The following PHIP variants were observed in gnomAD, a reference collection of about 807,000 sequenced individuals.
The protein encoded by PHIP is PHIP subunit of CUL4-Ring ligase complex, also known as PH-interacting protein.
In PHIP, 54 loss-of-function variants were observed where a neutral mutation model predicts 236.8. The ratio of observed to expected loss-of-function variants is 0.23; its 90% CI spans 0.18 to 0.29. PHIP has a LOEUF of 0.29. Among genes scored for constraint, PHIP ranks in the 10% least tolerant of loss-of-function variants. The pLI is 1.00. For synonymous variants in PHIP, 756 were observed against 718.9 expected, an observed-to-expected ratio of 1.05 and a Z score of -0.83; for missense variants, 1,370 against 2,190.8, an observed-to-expected ratio of 0.63 and a Z score of 7.48.
chr6:78,950,202 C>T (rs1327317042), intron 35 of PHIP, among the ~76,000 whole-genome samples: 1 of 152,200 alleles, frequency 6.6e-6, no homozygotes. Flanking sequence ...TTTTTGAATA[C>T]TGAACCATCC....
chr6:78,976,369 T>G (rs1301138644), intron 24 of PHIP, among the ~76,000 whole-genome samples: 55 of 136,322 alleles, frequency 4.0e-4, no homozygotes, highest in African/African-American at 1.3e-3. Flanking sequence ...TATACAAAAA[T>G]CAATTCAAGA....
intron 6 of PHIP, among the ~76,000 whole-genome samples, chr6:79,044,644 T>C (rs1275921952): frequency 6.6e-6 from 1 of 152,144 alleles, no homozygotes; most frequent in Admixed American, 6.6e-5. Flanking sequence ...ATTACCAAGG[T>C]GTACTTTAAT....
At chr6:79,025,477 A>T in intron 9 of PHIP, 42 bp downstream of exon 9, 1 of 1,217,744 alleles carries the variant, frequency 8.2e-7, no homozygotes, top group Non-Finnish European at 1.2e-6. Flanking sequence ...TTCACTCATT[A>T]AACTAAACAC....
intron 15 of PHIP, among the ~76,000 whole-genome samples, chr6:79,011,498 A>T (rs1770573056): frequency 6.6e-6 from 1 of 151,816 alleles, no homozygotes; most frequent in African/African-American, 2.4e-5. Context: ...CAGAAAGGGT[A>T]GGGGGAGTAC....
Position 78,993,161 on chromosome 6 carries a change from T to G in PHIP, c.2202-2176A>C, listed in dbSNP as rs77077393. Reference sequence around the variant, plus strand: ...AGAGCAAGGCTCTAACTCTATTCTCTTCTATGAAGGTTGGAAGAGGGGAAA... The same window carrying G: ...AGAGCAAGGCTCTAACTCTATTCTCGTCTATGAAGGTTGGAAGAGGGGAAA... On this transcript the variant is annotated intron_variant, in intron 19 of 39. Coordinates refer to ENST00000275034, the MANE Select transcript of PHIP (RefSeq NM_017934.7). Among the ~76,000 whole-genome samples the G allele has an allele frequency of 2.6e-5, 4 of 152,292 alleles. No homozygotes were observed. In the East Asian group the frequency reaches 7.7e-4, roughly 29 times the overall value.
At chr6:79,059,751 G>A (rs2127771811) in intron 6 of PHIP, among the ~76,000 whole-genome samples, 1 of 151,622 alleles carries the variant, frequency 6.6e-6, no homozygotes, top group South Asian at 2.1e-4. Flanking sequence ...GCAGGAACAT[G>A]AGAGTGGAAA....
intron 7 of PHIP, among the ~76,000 whole-genome samples, chr6:79,039,123 G>A (rs1469651973): frequency 1.3e-5 from 2 of 152,024 alleles, no homozygotes; most frequent in African/African-American, 2.4e-5. Flanking sequence ...AATGCAAAAG[G>A]GTTCAATGAA....
intron 4 of PHIP, among the ~76,000 whole-genome samples, chr6:79,075,856 A>G (rs1774130857): frequency 6.6e-6 from 1 of 152,170 alleles, no homozygotes; most frequent in African/African-American, 2.4e-5. Flanking sequence ...CCCATCTTAA[A>G]AATGGAGTAT....
chr6:79,051,535 A>G (rs1051348386), intron 6 of PHIP, among the ~76,000 whole-genome samples: 2 of 152,176 alleles, frequency 1.3e-5, no homozygotes. Context: ...TAGATATTCA[A>G]TTTTGGTGTG....
At chr6:78,972,690 G>A (rs1210276909) in intron 24 of PHIP, among the ~76,000 whole-genome samples, 1 of 152,186 alleles carries the variant, frequency 6.6e-6, no homozygotes, top group Non-Finnish European at 1.5e-5. Flanking sequence ...TAAAGGAGCT[G>A]ATAGAGCTGA....
rs757293014 is a variant in PHIP, at chr6:79,003,812, G to A, written c.1571C>T (p.Pro524Leu). The A allele has an allele frequency of 6.2e-7, 1 of 1,610,546 alleles. No individual in the cohort carries two copies. The highest frequency in any genetic ancestry group is 1.3e-5 in the African/African-American group (1 of 74,804). ...TGTGCATGCAAAATGCTGACCATCA[G>A]GAGAGCATTTGCAGTCAAATACTGC... ...HGAVFDCKCS[P>L]DGQHFACTDS... The change falls in exon 16 of 40, where the codon CCT (proline) becomes CTT (leucine). Residue 524 changes from proline (P) to leucine (L), a missense_variant. Around this residue, in one of 14 missense-constraint regions of PHIP, gnomAD observed 188 missense variants for 354.3 expected, o/e 0.53. Coordinates refer to ENST00000275034, the MANE Select transcript of PHIP (RefSeq NM_017934.7).
At chr6:79,071,221 C>G (rs1773869262) in intron 4 of PHIP, among the ~76,000 whole-genome samples, 1 of 152,196 alleles carries the variant, frequency 6.6e-6, no homozygotes, top group Non-Finnish European at 1.5e-5. Flanking sequence ...TGATTGCCTT[C>G]TCTGTAGTAA....
In PHIP at chr6:79,015,108, C is replaced by T; in HGVS notation, c.1498G>A (p.Val500Ile). 1 of 1,610,860 alleles carries T rather than the reference C, an allele frequency of 6.2e-7. No individual in the cohort carries two copies. The highest frequency in any genetic ancestry group is 1.1e-5 in the South Asian group (1 of 90,884). ...NVIVWDLARG[V>I]KIRSYFNMIE... ...ATATTGAAATAAGATCGTATTTTGA[C>T]TCCTCTTGCCAGATCCCACACTATC... Residue 500 changes from valine to isoleucine, a missense_variant, in exon 15 of 40, where the codon GTC becomes ATC. Val to Ile is a conservative substitution (Grantham distance 29, BLOSUM62 3). Around this residue, in one of 14 missense-constraint regions of PHIP, gnomAD observed 188 missense variants for 354.3 expected, o/e 0.53. Transcript: ENST00000275034.
chr6:78,955,733 T>C (rs1420988738), intron 32 of PHIP, 51 bp from the exon 33 acceptor site: 3 of 665,926 alleles, frequency 4.5e-6, no homozygotes, highest in East Asian at 2.7e-5. Context: ...TGATAATTTT[T>C]TTCCTTAAAA....
At position 79,026,168 on chromosome 6, in the gene PHIP, A is replaced by C. The variant is rs202141638; in HGVS notation, c.601-4T>G. The C allele has an allele frequency of 1.9e-5, 30 of 1,599,354 alleles. 1 individual carries two copies. Among genetic ancestry groups the C allele is most frequent in the Admixed American group, 1.7e-4 (10 of 59,976 alleles). On this transcript the variant is annotated splice_polypyrimidine_tract_variant and splice_region_variant and intron_variant, in intron 7 of 39. Transcript: ENST00000275034. ...TCACAAGACAGTCATCAGAACCCTT[A>C]AAGTAAGAATGGATATTAATAGAAT...
intron 4 of PHIP, among the ~76,000 whole-genome samples, chr6:79,065,162 G>T (rs1294089338): frequency 6.6e-6 from 1 of 152,024 alleles, no homozygotes; most frequent in Non-Finnish European, 1.5e-5. Context: ...AATAATCTTT[G>T]CAATAAATGC....
intron 4 of PHIP, among the ~76,000 whole-genome samples, chr6:79,074,341 T>C (rs1455232681): frequency 2.6e-5 from 4 of 151,918 alleles, no homozygotes; most frequent in African/African-American, 9.7e-5. Context: ...AAATTCTGCC[T>C]CTAGATCTCG....
chr6:78,990,766 ATTAACCTGT>A (rs1324385310), intron 20 of PHIP, 93 bp downstream of exon 20: 3 of 579,956 alleles, frequency 5.2e-6, no homozygotes, highest in Admixed American at 3.1e-5. Flanking sequence ...AATTTTTATC[ATTAACCTGT>A]TTATAATACC....
intron 34 of PHIP, 86 bp downstream of exon 34, chr6:78,955,146 A>G: frequency 1.0e-6 from 1 of 991,878 alleles, no homozygotes. Flanking sequence ...ATGTCTTTTA[A>G]AATGCTAAGA....
Sources: allele counts gnomAD v4.1 joint callset (sites outside exome capture counted in the v4.1 genomes callset), GRCh38; gene constraint gnomAD v4.1.1; regional missense constraint gnomAD v4.1.1; transcripts MANE v1.5; gene names NCBI Gene and HGNC (gene_info 2026-07-23, HGNC 2026-07-21).